The following INSR variants were observed in gnomAD, a reference collection of about 807,000 sequenced individuals.
The protein encoded by INSR is IR.
Under a neutral mutation model 142.6 loss-of-function variants are expected in INSR, and 67 were observed. The ratio of observed to expected loss-of-function variants is 0.47; its 90% CI spans 0.39 to 0.58. The LOEUF is 0.58. INSR is among the 20% of genes least tolerant of loss of function. INSR has a pLI of 0.00. For synonymous variants in INSR, 756 were observed against 743.1 expected (o/e 1.02, Z -0.28); for missense variants, 1,248 against 1,833.2 (o/e 0.68, Z 5.83).
intron 2 of INSR, among the ~76,000 whole-genome samples, chr19:7,202,479 G>T (rs960608840): frequency 1.3e-5 from 2 of 151,986 alleles, no homozygotes; most frequent in African/African-American, 2.4e-5. Context: ...GGGGTTGGTT[G>T]TTTTTTTGTT....
chr19:7,131,622 A>T (rs1364736673), intron 14 of INSR, among the ~76,000 whole-genome samples: 4 of 149,082 alleles, frequency 2.7e-5, no homozygotes, highest in African/African-American at 9.9e-5. Flanking sequence ...CTGGGATTAC[A>T]GGTGTGAGCC....
chr19:7,264,891 C>A (rs1600108513), intron 2 of INSR, among the ~76,000 whole-genome samples: 1 of 152,232 alleles, frequency 6.6e-6, no homozygotes, highest in African/African-American at 2.4e-5. Flanking sequence ...TCCAACATGT[C>A]CCATGGAAGG....
chr19:7,132,596 T>G (rs952333490), intron 13 of INSR, among the ~76,000 whole-genome samples: 8 of 150,008 alleles, frequency 5.3e-5, no homozygotes, highest in Admixed American at 1.3e-4. Context: ...TCTTTTCCTT[T>G]TTTTTTTTTT....
intron 1 of INSR, among the ~76,000 whole-genome samples, chr19:7,289,532 A>G (rs1409787416): frequency 6.6e-6 from 1 of 151,146 alleles, no homozygotes; most frequent in African/African-American, 2.4e-5. Context: ...CAGCCTCCCA[A>G]GTAGCTAGGA....
chr19:7,167,906 G>A lies in INSR; in HGVS notation c.1610+62C>T, dbSNP rs1973923879. 6 of 1,607,218 alleles carry A rather than the reference G, an allele frequency of 3.7e-6. No individual in the cohort carries two copies. The South Asian group carries it at 4.4e-5, about 12-fold the overall frequency. On this transcript the variant is annotated intron_variant, in intron 7 of 21. Transcript: ENST00000302850. ...AAGAGGGGCAGATTGGAGCACAAAC[G>A]TAGCAAGCACAGAGCCAGCCAGCCC...
chr19:7,167,927 A>AGCCCTC, intron 7 of INSR, 41 bp downstream of exon 7: 1 of 1,613,024 alleles, frequency 6.2e-7, no homozygotes, highest in Non-Finnish European at 8.5e-7. Context: ...AGAGCCAGCC[A>AGCCCTC]GCCCTCGCCT....
chr19:7,243,263 T>TG (rs1976424794), intron 2 of INSR, among the ~76,000 whole-genome samples: 1 of 126,430 alleles, frequency 7.9e-6, no homozygotes, highest in African/African-American at 3.2e-5. Context: ...TTTTTTTTTT[T>TG]GAGATGCAGT....
At chr19:7,202,829 T>C (rs1296963600) in intron 2 of INSR, among the ~76,000 whole-genome samples, 3 of 152,164 alleles carry the variant, frequency 2.0e-5, no homozygotes, top group African/African-American at 7.2e-5. Flanking sequence ...TTTGTTTTTT[T>C]GGTTTTCATT....
chr19:7,293,769 C>G (rs1485200252), intron 1 of INSR, 23 bp downstream of exon 1: 14 of 1,330,504 alleles, frequency 1.1e-5, no homozygotes, highest in Non-Finnish European at 1.3e-5. Flanking sequence ...GCTCCCCGCC[C>G]ACGCCCGCGC....
intron 2 of INSR, among the ~76,000 whole-genome samples, chr19:7,250,859 C>A (rs1465596527): frequency 6.6e-6 from 1 of 151,944 alleles, no homozygotes. Flanking sequence ...AGCTCTGAGT[C>A]TGGAGCTCAG....
chr19:7,258,820 A>G (rs1214649600), intron 2 of INSR, among the ~76,000 whole-genome samples: 1 of 149,008 alleles, frequency 6.7e-6, no homozygotes, highest in Non-Finnish European at 1.5e-5. Flanking sequence ...GAGAGGCCCT[A>G]AGTCAAGACA....
intron 2 of INSR, among the ~76,000 whole-genome samples, chr19:7,240,043 G>C (rs1413398577): frequency 6.6e-6 from 1 of 152,130 alleles, no homozygotes; most frequent in Non-Finnish European, 1.5e-5. Context: ...TTAAAGACTA[G>C]ATCCATTACA....
chr19:7,207,607 T>C (rs1261849341), intron 2 of INSR, among the ~76,000 whole-genome samples: 1 of 151,256 alleles, frequency 6.6e-6, no homozygotes, highest in Admixed American at 6.6e-5. Flanking sequence ...TTTCCCCACT[T>C]ATGTCTCCCT....
chr19:7,224,714 T>C (rs927386689), intron 2 of INSR, among the ~76,000 whole-genome samples: 5 of 152,166 alleles, frequency 3.3e-5, no homozygotes, highest in Non-Finnish European at 4.4e-5. Context: ...TGGTTATAAA[T>C]ACAGCAAAGA....
At chr19:7,121,153 A>G (rs1972482476) in intron 19 of INSR, among the ~76,000 whole-genome samples, 1 of 151,888 alleles carries the variant, frequency 6.6e-6, no homozygotes, top group Admixed American at 6.6e-5. Context: ...GTCTGCCACC[A>G]TGTCTAGCTA....
chr19:7,143,379 A>G (rs1322018158), intron 11 of INSR, among the ~76,000 whole-genome samples: 1 of 152,098 alleles, frequency 6.6e-6, no homozygotes, highest in Non-Finnish European at 1.5e-5. Context: ...GACATGCTCG[A>G]TTTCAGGTTT....
chr19:7,113,739 A>C lies in INSR; in HGVS notation c.*3317T>G, dbSNP rs1469765929. On this transcript the variant is annotated 3_prime_UTR_variant, in exon 22 of 22. Transcript: ENST00000302850. Reference sequence around the variant, plus strand: ...AAAGTTTTATTGTTACAAAGTCAACATTTCCTAATGTCAAAGGAGGTTTGC... The same window carrying C: ...AAAGTTTTATTGTTACAAAGTCAACCTTTCCTAATGTCAAAGGAGGTTTGC... The C allele has an allele frequency of 6.6e-6, 1 of 152,166 alleles. No homozygotes were observed. The highest frequency in any genetic ancestry group is 1.5e-5 in the Non-Finnish European group (1 of 68,038). 9.4% of individuals were successfully genotyped at this position (152,166 alleles called of 1,614,324 possible).
At chr19:7,293,661 T>C in intron 1 of INSR, 131 bp downstream of exon 1, 1 of 728,398 alleles carries the variant, frequency 1.4e-6, no homozygotes, top group Non-Finnish European at 1.8e-6. Flanking sequence ...ATGCAGGAGC[T>C]ACCGTCCTGG....
At chr19:7,211,139 T>A (rs1389685656) in intron 2 of INSR, among the ~76,000 whole-genome samples, 1 of 152,062 alleles carries the variant, frequency 6.6e-6, no homozygotes. Context: ...AAGTCACAGC[T>A]CACTGCAGCC....
Sources: allele counts gnomAD v4.1 joint callset (sites outside exome capture counted in the v4.1 genomes callset), GRCh38; gene constraint gnomAD v4.1.1; transcripts MANE v1.5; gene names NCBI Gene and HGNC (gene_info 2026-07-23, HGNC 2026-07-21).